PARN: variants seen among roughly 807,000 people sequenced by gnomAD.
PARN encodes the protein poly(A)-specific ribonuclease, also known as poly(A)-specific ribonuclease PARN.
PARN carries 71 observed loss-of-function variants against 102.8 expected under a neutral mutation model. The observed-to-expected ratio is 0.69, with a 90% confidence interval of 0.57 to 0.84. The LOEUF is 0.84. Among genes scored for constraint, PARN ranks in the 40% least tolerant of loss-of-function variants. PARN has a pLI of 0.00. For synonymous variants in PARN, 261 were observed against 252.9 expected (o/e 1.03, Z -0.30); for missense variants, 782 against 760.9 (o/e 1.03, Z -0.33).
intron 22 of PARN, among the ~76,000 whole-genome samples, chr16:14,466,912 C>CT (rs1962394504): frequency 2.6e-5 from 4 of 152,116 alleles, no homozygotes; most frequent in Admixed American, 2.6e-4. Flanking sequence ...AGAAAATCCC[C>CT]TAATGGCATC....
chr16:14,494,477 T>C (rs747173422), intron 21 of PARN, among the ~76,000 whole-genome samples: 2 of 151,962 alleles, frequency 1.3e-5, no homozygotes, highest in Non-Finnish European at 2.9e-5. Flanking sequence ...TCTTGAGACT[T>C]GAGGGTTGGG....
intron 21 of PARN, among the ~76,000 whole-genome samples, chr16:14,550,292 C>T (rs1333826118): frequency 1.3e-5 from 2 of 152,058 alleles, no homozygotes; most frequent in African/African-American, 2.4e-5. Flanking sequence ...ATTTAACAAG[C>T]AACATCAATC....
chr16:14,595,968 ACACATTTATATAGATC>A (rs1260076770), intron 12 of PARN, among the ~76,000 whole-genome samples: 6 of 152,068 alleles, frequency 3.9e-5, no homozygotes, highest in African/African-American at 1.4e-4. Context: ...CCAGCTACAT[ACACATTTATATAGATC>A]CACACACACA....
At chr16:14,494,566 G>C (rs1964213142) in intron 21 of PARN, among the ~76,000 whole-genome samples, 1 of 152,202 alleles carries the variant, frequency 6.6e-6, no homozygotes, top group Non-Finnish European at 1.5e-5. Context: ...ACTCATCTGA[G>C]AGAGGAACAC....
chr16:14,447,960 A>G (rs1196680712), intron 22 of PARN, among the ~76,000 whole-genome samples: 3 of 151,854 alleles, frequency 2.0e-5, no homozygotes, highest in Admixed American at 6.6e-5. Flanking sequence ...CTATCTATCT[A>G]TCTATCTATC....
chr16:14,483,832 T>C lies in PARN; in HGVS notation c.1481-1005A>G, dbSNP rs796321145. ...CCTATAACTGGAATTACACTACATA[T>C]GCATTTTTTTGTATTTATCTTATTT... On this transcript the variant is annotated intron_variant, in intron 21 of 23. Coordinates refer to ENST00000437198, the MANE Select transcript of PARN (RefSeq NM_002582.4). 5.3e-5 allele frequency among the ~76,000 whole-genome samples: 8 copies of C among 152,330 alleles called. No individual in the cohort carries two copies. In the South Asian group the frequency reaches 1.0e-3, roughly 20 times the overall value.
intron 20 of PARN, among the ~76,000 whole-genome samples, chr16:14,553,183 C>T (rs568693183): frequency 2.0e-5 from 3 of 148,258 alleles, no homozygotes; most frequent in East Asian, 2.0e-4. Context: ...TTTGAGAGTC[C>T]GAGGCGGGAG....
intron 21 of PARN, among the ~76,000 whole-genome samples, chr16:14,498,431 T>C (rs919744141): frequency 2.0e-5 from 3 of 152,138 alleles, no homozygotes; most frequent in African/African-American, 7.2e-5. Context: ...TTGGAAGCAC[T>C]CAGCACTTTC....
intron 22 of PARN, among the ~76,000 whole-genome samples, chr16:14,473,809 A>G (rs1014172300): frequency 5.9e-5 from 9 of 152,226 alleles, no homozygotes; most frequent in African/African-American, 1.9e-4. Flanking sequence ...GCACCCACTC[A>G]AAGTGATGAA....
intron 5 of PARN, among the ~76,000 whole-genome samples, chr16:14,623,533 G>C (rs1025890910): frequency 6.9e-6 from 1 of 145,152 alleles, no homozygotes; most frequent in Non-Finnish European, 1.5e-5. Context: ...AAAAAGAAAA[G>C]AAAAAAAAAA....
intron 21 of PARN, among the ~76,000 whole-genome samples, chr16:14,540,978 A>T (rs540884576): frequency 6.6e-6 from 1 of 152,042 alleles, no homozygotes; most frequent in East Asian, 1.9e-4. Context: ...AATAGATGCC[A>T]TAAGGGTTAC....
At chr16:14,587,710 T>G (rs1969946033) in intron 13 of PARN, among the ~76,000 whole-genome samples, 1 of 152,206 alleles carries the variant, frequency 6.6e-6, no homozygotes, top group South Asian at 2.1e-4. Flanking sequence ...AACAAAACAT[T>G]TTCTTTCTCT....
intron 21 of PARN, among the ~76,000 whole-genome samples, chr16:14,493,674 A>C (rs1964169047): frequency 6.6e-6 from 1 of 152,224 alleles, no homozygotes; most frequent in Non-Finnish European, 1.5e-5. Context: ...GGGAAATGAT[A>C]ATCTCAACAT....
chr16:14,517,345 G>A (rs1055960961), intron 21 of PARN, among the ~76,000 whole-genome samples: 3 of 152,200 alleles, frequency 2.0e-5, no homozygotes, highest in Admixed American at 6.5e-5. Context: ...GGACAAGCTG[G>A]ACTAGCCATC....
intron 21 of PARN, among the ~76,000 whole-genome samples, chr16:14,549,661 G>A (rs776116353): frequency 3.3e-5 from 5 of 152,202 alleles, no homozygotes; most frequent in Admixed American, 6.5e-5. Context: ...AAGGAATCAT[G>A]CTTGTATTTT....
chr16:14,559,647 A>G (rs1191297987), intron 18 of PARN, among the ~76,000 whole-genome samples: 1 of 152,124 alleles, frequency 6.6e-6, no homozygotes, highest in Non-Finnish European at 1.5e-5. Context: ...GGTCTTATTC[A>G]TTCTATTTTT....
At chr16:14,493,232 G>A (rs974849592) in intron 21 of PARN, among the ~76,000 whole-genome samples, 1 of 151,924 alleles carries the variant, frequency 6.6e-6, no homozygotes, top group South Asian at 2.1e-4. Context: ...ATTTATTTTT[G>A]AGACAGGGTC....
chr16:14,573,677 T>C (rs934865479), intron 18 of PARN, among the ~76,000 whole-genome samples: 3 of 152,148 alleles, frequency 2.0e-5, no homozygotes, highest in Non-Finnish European at 4.4e-5. Context: ...TGGAAGGTGA[T>C]TGAATTATGG....
rs942538351 is a variant in PARN at position 14,580,878 on chromosome 16, T to TA, written c.1257dup (p.Asn420Ter). ...TGGAACTCTCTGATTACTTACTTGTTAAAAAAAGGTTCAATGAGTTTTGAT... is the reference window on the plus strand; with the variant it reads ...TGGAACTCTCTGATTACTTACTTGTTAAAAAAAAGGTTCAATGAGTTTTGAT... On this transcript the variant is annotated frameshift_variant, in exon 18 of 24. Transcript: ENST00000437198. LOFTEE classifies it high-confidence loss of function. The TA allele has an allele frequency of 4.4e-6, 7 of 1,595,000 alleles. No individual in the cohort carries two copies. The highest frequency in any genetic ancestry group is 6.0e-6 in the Non-Finnish European group (7 of 1,163,008).
Sources: gnomAD v4.1 joint callset for allele counts (sites outside exome capture counted in the v4.1 genomes callset) on GRCh38, gnomAD v4.1.1 for gene constraint, MANE v1.5 for transcripts, NCBI Gene and HGNC (gene_info 2026-07-23, HGNC 2026-07-21) for gene names.